The following CRAMP1 variants were observed in gnomAD, a reference collection of about 807,000 sequenced individuals.
CRAMP1 encodes protein cramped-like.
A neutral mutation model predicts 115.4 loss-of-function variants in CRAMP1; 50 were observed. That is an observed-to-expected ratio of 0.43 (90% CI 0.35 to 0.55). The LOEUF (loss-of-function observed/expected upper bound fraction) is 0.55. CRAMP1 is among the 20% of genes least tolerant of loss of function. The pLI is 0.01. For missense variants in CRAMP1, 1,679 were observed against 1,721.7 expected (o/e 0.98, Z 0.44); for synonymous variants, 866 against 745.4 (o/e 1.16, Z -2.64).
Position 1,657,866 on chromosome 16 carries a change from G to C in CRAMP1, c.2235+874G>C, listed in dbSNP as rs868794119. ...GGCTGGCGAGCTGCTGGACATGGGC[G>C]AGGGGCTCAAAGGATGGACTGGGCA... On this transcript the variant is annotated intron_variant, in intron 10 of 20. Coordinates refer to ENST00000397412, the MANE Select transcript of CRAMP1 (RefSeq NM_020825.4). 2.6e-5 allele frequency among the ~76,000 whole-genome samples: 4 copies of C among 152,184 alleles called. No individual in the cohort carries two copies. The East Asian group carries it at 7.7e-4, about 29-fold the overall frequency.
At chr16:1,653,407 G>T (rs997354748) in intron 8 of CRAMP1, among the ~76,000 whole-genome samples, 3 of 152,226 alleles carry the variant, frequency 2.0e-5, no homozygotes, top group Non-Finnish European at 4.4e-5. Context: ...AAGAGGAGCT[G>T]CAGAGCCTTC....
chr16:1,628,979 C>G (rs114885613), intron 3 of CRAMP1, among the ~76,000 whole-genome samples: 2,739 of 152,334 alleles, frequency 0.018, 86 homozygotes, highest in African/African-American at 0.061. Flanking sequence ...ACTTCTCCCT[C>G]TGGCAGGGCG....
Position 1,676,431 on chromosome 16 carries a change from A to G in CRAMP1, c.*2386A>G, listed in dbSNP as rs2036968627. 6.6e-6 allele frequency: 1 copy of G among 152,376 alleles called. No individual in the cohort carries two copies. Among genetic ancestry groups the G allele is most frequent in the South Asian group, 2.1e-4 (1 of 4,822 alleles). 9.4% of individuals were successfully genotyped at this position (152,376 alleles called of 1,614,324 possible). Reference sequence around the variant, plus strand: ...ATGGTGTCATTTGTTGCAGAAAAACAATGGATACATTTTCTTCTGGCCTAA... The same window carrying G: ...ATGGTGTCATTTGTTGCAGAAAAACGATGGATACATTTTCTTCTGGCCTAA... On this transcript the variant is annotated 3_prime_UTR_variant, in exon 21 of 21. Transcript: ENST00000397412.
chr16:1,648,890 C>G (rs1380923294), intron 6 of CRAMP1, among the ~76,000 whole-genome samples: 1 of 151,876 alleles, frequency 6.6e-6, no homozygotes, highest in African/African-American at 2.4e-5. Context: ...AACCCTGTCT[C>G]CACTAAAAAT....
rs60016945 is a variant in CRAMP1 at position 1,663,447 on chromosome 16, T to C, written c.2670+612T>C. Among the ~76,000 whole-genome samples, 825 of 152,342 alleles carry C rather than the reference T, an allele frequency of 5.4e-3. 6 individuals carry two copies. Among genetic ancestry groups the C allele is most frequent in the African/African-American group, 0.019 (796 of 41,572 alleles). ...GATTAGTATATTTACAAATGAGACA[T>C]TGCATGAACGGTCTTAGGAAGAAAG... On this transcript the variant is annotated intron_variant, in intron 13 of 20. Coordinates refer to ENST00000397412, the MANE Select transcript of CRAMP1 (RefSeq NM_020825.4).
intron 10 of CRAMP1, among the ~76,000 whole-genome samples, chr16:1,658,610 G>T (rs1324558041): frequency 6.6e-6 from 1 of 152,164 alleles, no homozygotes; most frequent in Admixed American, 6.5e-5. Context: ...GGGCCAGGTG[G>T]CCCTGTGCTG....
Position 1,668,001 on chromosome 16 carries a change from C to CT in CRAMP1, c.3142_3143insT (p.Pro1048LeufsTer38). 6.2e-7 allele frequency: 1 copy of CT among 1,613,448 alleles called. No individual in the cohort carries two copies. Among genetic ancestry groups the CT allele is most frequent in the Non-Finnish European group, 8.5e-7 (1 of 1,179,670 alleles). ...CTCCTTATCTGAGCTGCCCAAGGCCCCTCTCCAGAATGGCCTCTCCATACC... is the reference window on the plus strand; with the variant it reads ...CTCCTTATCTGAGCTGCCCAAGGCCCTCTCTCCAGAATGGCCTCTCCATACC... On this transcript the variant is annotated frameshift_variant, in exon 18 of 21. Transcript: ENST00000397412. LOFTEE classifies it high-confidence loss of function.
chr16:1,633,713 G>T (rs2036564358), intron 4 of CRAMP1, among the ~76,000 whole-genome samples: 4 of 152,182 alleles, frequency 2.6e-5, no homozygotes, highest in Admixed American at 2.6e-4. Flanking sequence ...ACGCAGCACC[G>T]ACTTTTCATT....
chr16:1,668,273 G>A, intron 18 of CRAMP1, 80 bp downstream of exon 18: 1 of 1,073,514 alleles, frequency 9.3e-7, no homozygotes, highest in South Asian at 1.3e-5. Flanking sequence ...ACTTCCTGGG[G>A]ATATTCCAGT....
chr16:1,653,475 G>C (rs917683857), intron 8 of CRAMP1, among the ~76,000 whole-genome samples: 6 of 152,170 alleles, frequency 3.9e-5, no homozygotes, highest in African/African-American at 9.7e-5. Context: ...TTGGAGACTC[G>C]TGGCTCGCAT....
At chr16:1,655,414 A>G in intron 9 of CRAMP1, 114 bp downstream of exon 9, 1 of 827,926 alleles carries the variant, frequency 1.2e-6, no homozygotes, top group Admixed American at 1.9e-5. Context: ...CAGAACAGCC[A>G]TGCTGTGACA....
chr16:1,617,332 C>G (rs1408337906), intron 2 of CRAMP1, among the ~76,000 whole-genome samples: 3 of 152,202 alleles, frequency 2.0e-5, no homozygotes, highest in African/African-American at 7.2e-5. Flanking sequence ...CCCAGGACAT[C>G]CTCTGACACC....
At chr16:1,635,512 A>C (rs1289166236) in intron 4 of CRAMP1, among the ~76,000 whole-genome samples, 4 of 152,196 alleles carry the variant, frequency 2.6e-5, no homozygotes, top group African/African-American at 9.6e-5. Flanking sequence ...CCGTGGGGCC[A>C]GGCGGGGCAT....
At position 1,656,650 on chromosome 16, in the gene CRAMP1, C is replaced by T. The variant is rs768639266; in HGVS notation, c.1893C>T (p.Asp631=). 30 of 1,578,150 alleles carry T rather than the reference C, an allele frequency of 1.9e-5. No individual in the cohort carries two copies. The highest frequency in any genetic ancestry group is 2.1e-5 in the Non-Finnish European group (25 of 1,163,264). The change falls in exon 10 of 21, where the codon GAC becomes GAT. Residue 631 remains aspartate, a synonymous_variant. Transcript: ENST00000397412. This position sits in a 1 kb window ranked among gnomAD's most constrained non-coding sequence, Gnocchi z 5.6. ...PGLLLDVCTK[D]LADAPAEELQ... Reference sequence around the variant, plus strand: ...TCCTGCTGGATGTTTGCACTAAAGACTTGGCAGATGCACCTGCGGAGGAGC... The same window carrying T: ...TCCTGCTGGATGTTTGCACTAAAGATTTGGCAGATGCACCTGCGGAGGAGC...
At chr16:1,628,178 C>T (rs972917262) in intron 3 of CRAMP1, among the ~76,000 whole-genome samples, 10 of 152,184 alleles carry the variant, frequency 6.6e-5, no homozygotes, top group Non-Finnish European at 1.5e-4. Context: ...CTGTTCTGAT[C>T]ATGTAATGCT....
At chr16:1,658,886 G>T (rs1045597091) in intron 10 of CRAMP1, among the ~76,000 whole-genome samples, 1 of 152,202 alleles carries the variant, frequency 6.6e-6, no homozygotes, top group African/African-American at 2.4e-5. Flanking sequence ...GATGTGTGGG[G>T]TGTTCAGGAG....
chr16:1,635,576 GT>G (rs1217287505), intron 4 of CRAMP1, among the ~76,000 whole-genome samples: 2 of 152,202 alleles, frequency 1.3e-5, no homozygotes, highest in Non-Finnish European at 2.9e-5. Flanking sequence ...CTCCCCTGGG[GT>G]CCCTTGTCTG....
At chr16:1,670,600 T>G in intron 19 of CRAMP1, 64 bp from the exon 20 acceptor site, 1 of 1,576,096 alleles carries the variant, frequency 6.3e-7, no homozygotes, top group South Asian at 1.2e-5. Context: ...CTCAGGACCC[T>G]TCCGCTGGAC....
chr16:1,674,264 TG>T lies in CRAMP1; in HGVS notation c.*221del. On this transcript the variant is annotated 3_prime_UTR_variant, in exon 21 of 21. Coordinates refer to ENST00000397412, the MANE Select transcript of CRAMP1 (RefSeq NM_020825.4). ...CAAGGGCCAGCGTTAGAAATCACTG[TG>T]GTACTAGAGCCGTTCTTCACCACGC... The T allele has an allele frequency of 1.7e-6, 1 of 585,936 alleles. No homozygotes were observed. Among genetic ancestry groups the T allele is most frequent in the Non-Finnish European group, 3.0e-6 (1 of 329,268 alleles). 36.3% of individuals were successfully genotyped at this position (585,936 alleles called of 1,614,324 possible).
Sources: allele counts gnomAD v4.1 joint callset (sites outside exome capture counted in the v4.1 genomes callset), GRCh38; gene constraint gnomAD v4.1.1; non-coding constraint Gnocchi (gnomAD v3.1); transcripts MANE v1.5; gene names NCBI Gene and HGNC (gene_info 2026-07-23, HGNC 2026-07-21).